DAB1: variants seen among roughly 807,000 people sequenced by gnomAD.
DAB1 encodes DAB adaptor protein 1, also known as disabled homolog 1.
In DAB1, 15 loss-of-function variants were observed where a neutral mutation model predicts 64.6. That is an observed-to-expected ratio of 0.23 (90% CI 0.16 to 0.36). DAB1 has a LOEUF of 0.36. Ranked by LOEUF, DAB1 falls within the 10% of genes least tolerant of loss-of-function variation. The probability of loss-of-function intolerance (pLI) is 1.00; values close to 1 mark genes in which losing one functional copy is unlikely to be tolerated. For synonymous variants in DAB1, 235 were observed against 251.9 expected (o/e 0.93, Z 0.64); for missense variants, 596 against 706.7 (o/e 0.84, Z 1.78).
chr1:58,381,740 G>T (rs1569710082), intron 3 of DAB1, among the ~76,000 whole-genome samples: 1 of 152,206 alleles, frequency 6.6e-6, no homozygotes, highest in Non-Finnish European at 1.5e-5. Context: ...TCTTTTCTGG[G>T]TATGTTAACT....
At chr1:58,112,400 C>G (rs1652024005) in intron 5 of DAB1, among the ~76,000 whole-genome samples, 1 of 152,182 alleles carries the variant, frequency 6.6e-6, no homozygotes, top group South Asian at 2.1e-4. Flanking sequence ...GAATTAATAA[C>G]TGCATGAATA....
intron 6 of DAB1, among the ~76,000 whole-genome samples, chr1:57,782,981 C>CCCT (rs915002167): frequency 6.3e-5 from 8 of 127,570 alleles, no homozygotes; most frequent in Non-Finnish European, 1.3e-4. Context: ...TTTCCTCCCT[C>CCCT]CCTCCCTCCC....
chr1:57,347,683 T>C (rs1214625192), intron 1 of DAB1, among the ~76,000 whole-genome samples: 1 of 152,224 alleles, frequency 6.6e-6, no homozygotes, highest in Non-Finnish European at 1.5e-5. Context: ...ATAATTTAAA[T>C]GCCCATCCTA....
At chr1:57,342,802 G>T (rs528356476) in intron 1 of DAB1, among the ~76,000 whole-genome samples, 1 of 150,248 alleles carries the variant, frequency 6.7e-6, no homozygotes, top group Non-Finnish European at 1.5e-5. Context: ...AGCTCTTAAG[G>T]AGGCGTGTCT....
intron 7 of DAB1, among the ~76,000 whole-genome samples, chr1:57,579,930 C>T (rs1014411690): frequency 6.6e-6 from 1 of 152,188 alleles, no homozygotes; most frequent in African/African-American, 2.4e-5. Context: ...TGCAGGGCCA[C>T]TCAAAGAAGT....
At chr1:57,878,667 T>A (rs1644093234) in intron 1 of DAB1, 1 of 152,212 alleles carries the variant, frequency 6.6e-6, no homozygotes, top group South Asian at 2.1e-4. Flanking sequence ...CTCAAACATT[T>A]ATTATTAATT....
chr1:57,475,979 C>T (rs1160178006), intron 7 of DAB1, among the ~76,000 whole-genome samples: 2 of 152,182 alleles, frequency 1.3e-5, no homozygotes, highest in African/African-American at 4.8e-5. Flanking sequence ...TATCCCTACA[C>T]TTTGGGAGGC....
chr1:57,994,626 T>C (rs1474897830), intron 5 of DAB1, among the ~76,000 whole-genome samples: 2 of 152,230 alleles, frequency 1.3e-5, no homozygotes, highest in African/African-American at 4.8e-5. Flanking sequence ...GTGTGGACAC[T>C]GGCCTACTTA....
intron 1 of DAB1, among the ~76,000 whole-genome samples, chr1:57,829,605 A>G (rs1557504390): frequency 3.3e-5 from 5 of 152,216 alleles, no homozygotes; most frequent in Admixed American, 2.6e-4. Context: ...GCTTCTTGCC[A>G]GGTGACAAGC....
At chr1:57,584,505 C>T (rs540442856) in intron 7 of DAB1, among the ~76,000 whole-genome samples, 1 of 152,290 alleles carries the variant, frequency 6.6e-6, no homozygotes, top group Admixed American at 6.5e-5. Context: ...GACATAGTCC[C>T]TGTACTCTGC....
At chr1:57,870,508 G>A (rs1643927730) in intron 1 of DAB1, among the ~76,000 whole-genome samples, 1 of 152,096 alleles carries the variant, frequency 6.6e-6, no homozygotes, top group South Asian at 2.1e-4. Context: ...AGGATCTTGG[G>A]AAATTCACTT....
At chr1:58,159,442 AT>A (rs2100746583) in intron 4 of DAB1, among the ~76,000 whole-genome samples, 1 of 152,334 alleles carries the variant, frequency 6.6e-6, no homozygotes, top group South Asian at 2.1e-4. Flanking sequence ...GATGGTCAGA[AT>A]TGTGGATGTC....
rs545962401 is a variant in DAB1, at chr1:57,448,553, G to A, written n.626-157387C>T. On this transcript the variant is annotated intron_variant and non_coding_transcript_variant, in intron 7 of 20. Coordinates refer to the DAB1 transcript ENST00000485760. ...TATTGAACAAATAATCACAAGATTT[G>A]TCACCTTTGATGGATTTATTAATTC... 3.9e-5 allele frequency among the ~76,000 whole-genome samples: 6 copies of A among 152,210 alleles called. No homozygotes were observed. The South Asian group carries it at 1.2e-3, about 32-fold the overall frequency.
At chr1:57,155,981 C>A (rs1020966571) in intron 2 of DAB1, among the ~76,000 whole-genome samples, 2 of 152,060 alleles carry the variant, frequency 1.3e-5, no homozygotes, top group African/African-American at 4.8e-5. Flanking sequence ...AATTTGACTT[C>A]TTCCATCCCA....
At chr1:57,796,797 C>G (rs1425386203) in intron 6 of DAB1, among the ~76,000 whole-genome samples, 1 of 151,918 alleles carries the variant, frequency 6.6e-6, no homozygotes, top group Non-Finnish European at 1.5e-5. Flanking sequence ...TAGTCTGGTC[C>G]CTCCCTCAGC....
At chr1:58,057,779 G>T (rs947585399) in intron 5 of DAB1, among the ~76,000 whole-genome samples, 1 of 152,098 alleles carries the variant, frequency 6.6e-6, no homozygotes, top group Non-Finnish European at 1.5e-5. Context: ...CAGCTTTAGG[G>T]AATACATATA....
chr1:58,419,953 G>A (rs1395076546), intron 3 of DAB1, among the ~76,000 whole-genome samples: 1 of 152,160 alleles, frequency 6.6e-6, no homozygotes, highest in Non-Finnish European at 1.5e-5. Context: ...GAAAGTAGCA[G>A]CTACCTACTT....
At chr1:57,233,252 A>ATTT (rs1667824189) in intron 2 of DAB1, among the ~76,000 whole-genome samples, 4 of 56,878 alleles carry the variant, frequency 7.0e-5, no homozygotes, top group Non-Finnish European at 1.1e-4. Flanking sequence ...CTTTGCTCCG[A>ATTT]TTCTTTTTTT....
chr1:57,080,067 C>T (rs12028404), intron 4 of DAB1, among the ~76,000 whole-genome samples: 24,886 of 152,108 alleles, frequency 0.16, 2,728 homozygotes, highest in East Asian at 0.49. Flanking sequence ...GTAAAATATA[C>T]ATAACATACA....
Sources: gnomAD v4.1 joint callset for allele counts (sites outside exome capture counted in the v4.1 genomes callset) on GRCh38, gnomAD v4.1.1 for gene constraint, MANE v1.5 for transcripts, NCBI Gene and HGNC (gene_info 2026-07-23, HGNC 2026-07-21) for gene names.